Variants in ADAMTS3 observed in about 807,000 individuals in gnomAD.
ADAMTS3 encodes the protein A disintegrin and metalloproteinase with thrombospondin motifs 3.
In ADAMTS3, 73 loss-of-function variants were observed where a neutral mutation model predicts 129.0. The observed-to-expected ratio is 0.57, with a 90% confidence interval of 0.47 to 0.69. The LOEUF is 0.69. Among genes scored for constraint, ADAMTS3 ranks in the 30% least tolerant of loss-of-function variants. The probability of loss-of-function intolerance (pLI) is 0.00; values close to 1 mark genes in which losing one functional copy is unlikely to be tolerated. For missense variants in ADAMTS3, 1,457 were observed against 1,514.5 expected (o/e 0.96, Z 0.63); for synonymous variants, 477 against 510.8 (o/e 0.93, Z 0.89).
At chr4:72,529,839 A>G (rs1205035737) in intron 3 of ADAMTS3, among the ~76,000 whole-genome samples, 3 of 84,946 alleles carry the variant, frequency 3.5e-5, no homozygotes, top group Non-Finnish European at 6.2e-5. Flanking sequence ...TATAACATAT[A>G]ATATATTATA....
At chr4:72,340,460 A>C (rs554987296) in intron 4 of ADAMTS3, among the ~76,000 whole-genome samples, 8 of 152,136 alleles carry the variant, frequency 5.3e-5, no homozygotes, top group African/African-American at 1.9e-4. Flanking sequence ...TTAGTGCTCC[A>C]CATTTGCACT....
At chr4:72,298,974 A>C (rs1718882325) in intron 17 of ADAMTS3, among the ~76,000 whole-genome samples, 1 of 151,812 alleles carries the variant, frequency 6.6e-6, no homozygotes, top group Non-Finnish European at 1.5e-5. Context: ...TAGAAAGAAA[A>C]CGAAAAATCA....
intron 3 of ADAMTS3, among the ~76,000 whole-genome samples, chr4:72,528,742 T>C (rs1720881328): frequency 6.6e-6 from 1 of 152,068 alleles, no homozygotes; most frequent in Non-Finnish European, 1.5e-5. Context: ...AAGGGAAAAC[T>C]GAAAACATCA....
intron 4 of ADAMTS3, among the ~76,000 whole-genome samples, chr4:72,390,398 A>G (rs566690113): frequency 5.3e-5 from 8 of 152,292 alleles, no homozygotes; most frequent in Middle Eastern, 6.8e-3. Context: ...CCAGTGAGGA[A>G]GACACTTGTC....
intron 5 of ADAMTS3, among the ~76,000 whole-genome samples, chr4:72,327,148 A>T (rs993238055): frequency 6.6e-6 from 1 of 152,178 alleles, no homozygotes; most frequent in African/African-American, 2.4e-5. Flanking sequence ...TTAAAATGTC[A>T]TCTGATTACA....
At chr4:72,448,690 T>G (rs997769603) in intron 3 of ADAMTS3, among the ~76,000 whole-genome samples, 3 of 151,756 alleles carry the variant, frequency 2.0e-5, no homozygotes, top group African/African-American at 4.8e-5. Context: ...AAATACTGAA[T>G]TATTTTTCTG....
chr4:72,348,406 G>A (rs1316705829), intron 4 of ADAMTS3, among the ~76,000 whole-genome samples: 2 of 152,016 alleles, frequency 1.3e-5, no homozygotes, highest in Non-Finnish European at 2.9e-5. Context: ...AACTTTTTAT[G>A]AGCATATTCA....
intron 2 of ADAMTS3, among the ~76,000 whole-genome samples, chr4:72,550,525 C>A (rs1158859074): frequency 3.9e-5 from 6 of 152,250 alleles, no homozygotes; most frequent in Non-Finnish European, 8.8e-5. Flanking sequence ...ATGAATACAG[C>A]AAGCAACACT....
chr4:72,549,047 A>G (rs1163228843), intron 2 of ADAMTS3, among the ~76,000 whole-genome samples, 163 bp from the exon 3 acceptor site: 1 of 152,184 alleles, frequency 6.6e-6, no homozygotes, highest in African/African-American at 2.4e-5. Context: ...AACAAAAATC[A>G]TTTCTCAAAT....
chr4:72,494,753 G>A (rs1235323578), intron 3 of ADAMTS3, among the ~76,000 whole-genome samples: 2 of 152,108 alleles, frequency 1.3e-5, no homozygotes, highest in African/African-American at 4.8e-5. Context: ...GGGTGTGACA[G>A]TGCCAACTGG....
At chr4:72,553,444 A>G (rs1342336189) in intron 2 of ADAMTS3, among the ~76,000 whole-genome samples, 2 of 152,156 alleles carry the variant, frequency 1.3e-5, no homozygotes, top group Non-Finnish European at 2.9e-5. Flanking sequence ...AAAACTAAAA[A>G]GACCCAGAAG....
intron 3 of ADAMTS3, among the ~76,000 whole-genome samples, chr4:72,479,733 A>G (rs972006456): frequency 5.9e-5 from 9 of 152,310 alleles, no homozygotes; most frequent in Non-Finnish European, 1.2e-4. Flanking sequence ...ACAGCAAAAG[A>G]AACTACCATC....
At chr4:72,462,020 G>T (rs1405255397) in intron 3 of ADAMTS3, among the ~76,000 whole-genome samples, 1 of 151,804 alleles carries the variant, frequency 6.6e-6, no homozygotes, top group Non-Finnish European at 1.5e-5. Flanking sequence ...GAGCACTATG[G>T]ATTAAGCAGT....
intron 2 of ADAMTS3, among the ~76,000 whole-genome samples, chr4:72,555,529 T>C (rs1721741523): frequency 1.3e-5 from 2 of 151,848 alleles, no homozygotes; most frequent in African/African-American, 2.4e-5. Flanking sequence ...TAGCACTCCC[T>C]GTCAAGGCAT....
At position 72,312,350 on chromosome 4, in the gene ADAMTS3, T is replaced by C; in HGVS notation, c.1862A>G (p.Asn621Ser). The change falls in exon 13 of 22, where the codon AAC becomes AGC. Residue 621 changes from asparagine (N) to serine (S), a missense_variant. Asn to Ser is a conservative substitution (Grantham distance 46). Transcript: ENST00000286657. ...GGTATTCTGGTATTCAAAGTGGGAG[T>C]TTCGCTGCTGACACTGCTGTGCTCT... ...DFRAQQCQQR[N>S]SHFEYQNTKH... 1.2e-6 allele frequency: 2 copies of C among 1,613,694 alleles called. No homozygotes were observed. Among genetic ancestry groups the C allele is most frequent in the Non-Finnish European group, 1.7e-6 (2 of 1,179,768 alleles).
intron 4 of ADAMTS3, among the ~76,000 whole-genome samples, chr4:72,377,987 T>C (rs1721176824): frequency 6.6e-6 from 1 of 152,138 alleles, no homozygotes; most frequent in Admixed American, 6.6e-5. Flanking sequence ...CTCGGAGTAA[T>C]GATTAGTTAA....
intron 18 of ADAMTS3, among the ~76,000 whole-genome samples, chr4:72,296,487 A>T (rs1026797412): frequency 1.3e-5 from 2 of 152,084 alleles, no homozygotes; most frequent in African/African-American, 4.8e-5. Flanking sequence ...AAAAAATTCA[A>T]ACCTATCCAA....
At chr4:72,288,383 T>C (rs1718565841) in intron 21 of ADAMTS3, among the ~76,000 whole-genome samples, 1 of 152,178 alleles carries the variant, frequency 6.6e-6, no homozygotes, top group Non-Finnish European at 1.5e-5. Context: ...GTAAAATATT[T>C]CAAAATCTTT....
intron 5 of ADAMTS3, among the ~76,000 whole-genome samples, chr4:72,332,569 T>C (rs1719878259): frequency 6.6e-6 from 1 of 152,142 alleles, no homozygotes; most frequent in East Asian, 1.9e-4. Flanking sequence ...ATTTAATAAA[T>C]CCTGAGATTA....
Sources: gnomAD v4.1 joint callset for allele counts (sites outside exome capture counted in the v4.1 genomes callset) on GRCh38, gnomAD v4.1.1 for gene constraint, MANE v1.5 for transcripts, NCBI Gene and HGNC (gene_info 2026-07-23, HGNC 2026-07-21) for gene names.